Variants in CA10 observed in about 807,000 individuals in gnomAD.
CA10 encodes carbonic anhydrase-related protein 10.
CA10 carries 14 observed loss-of-function variants against 44.2 expected under a neutral mutation model. That is an observed-to-expected ratio of 0.32 (90% CI 0.21 to 0.50). The LOEUF is 0.50. Ranked by LOEUF, CA10 falls within the 20% of genes least tolerant of loss-of-function variation. The pLI is 0.99. For missense variants in CA10, 350 were observed against 409.7 expected, an observed-to-expected ratio of 0.85 and a Z score of 1.26; for synonymous variants, 159 against 141.6, an observed-to-expected ratio of 1.12 and a Z score of -0.87.
At chr17:52,115,346 C>G (rs1179301224) in intron 1 of CA10, among the ~76,000 whole-genome samples, 2 of 152,214 alleles carry the variant, frequency 1.3e-5, no homozygotes, top group African/African-American at 2.4e-5. Flanking sequence ...AATCCTGCAT[C>G]ATTTTGGTGG....
At chr17:52,016,317 AC>A (rs1183540374) in intron 2 of CA10, among the ~76,000 whole-genome samples, 1 of 152,086 alleles carries the variant, frequency 6.6e-6, no homozygotes, top group Admixed American at 6.6e-5. Flanking sequence ...AGAGAGATTA[AC>A]TTTTTAAGGA....
chr17:51,640,183 A>G (rs1913023156), intron 6 of CA10, among the ~76,000 whole-genome samples: 1 of 152,172 alleles, frequency 6.6e-6, no homozygotes, highest in South Asian at 2.1e-4. Flanking sequence ...AGTCCACCAC[A>G]TACTGGGTGT....
chr17:51,675,671 G>A (rs1372001756), intron 4 of CA10, among the ~76,000 whole-genome samples: 1 of 151,726 alleles, frequency 6.6e-6, no homozygotes, highest in Non-Finnish European at 1.5e-5. Flanking sequence ...AGCCTAGATT[G>A]CGCCACTGTA....
intron 2 of CA10, among the ~76,000 whole-genome samples, chr17:51,960,016 ACTATCCT>A (rs1567900628): frequency 6.6e-6 from 1 of 151,992 alleles, no homozygotes; most frequent in Non-Finnish European, 1.5e-5. Flanking sequence ...AGTTATTGTA[ACTATCCT>A]CTATGAAAAG....
chr17:52,111,537 C>T (rs1355906702), intron 1 of CA10, among the ~76,000 whole-genome samples: 4 of 152,070 alleles, frequency 2.6e-5, no homozygotes, highest in Non-Finnish European at 4.4e-5. Flanking sequence ...TCTCCATCAG[C>T]AAATGAACGA....
chr17:52,148,557 C>T (rs912028503), intron 1 of CA10, among the ~76,000 whole-genome samples: 1 of 152,206 alleles, frequency 6.6e-6, no homozygotes, highest in African/African-American at 2.4e-5. Flanking sequence ...ACTCAAAAAC[C>T]TACATGCAGT....
chr17:51,919,116 A>G (rs1358103455), intron 3 of CA10, among the ~76,000 whole-genome samples: 1 of 152,104 alleles, frequency 6.6e-6, no homozygotes, highest in African/African-American at 2.4e-5. Flanking sequence ...AAGTCCTTCA[A>G]AAAGAATCTA....
At chr17:51,721,688 T>C (rs1458967876) in intron 4 of CA10, among the ~76,000 whole-genome samples, 1 of 152,098 alleles carries the variant, frequency 6.6e-6, no homozygotes, top group Non-Finnish European at 1.5e-5. Flanking sequence ...CCTATCCATC[T>C]GGTGAGGGGT....
chr17:51,889,688 A>C (rs1052009427), intron 3 of CA10, among the ~76,000 whole-genome samples: 18 of 152,206 alleles, frequency 1.2e-4, no homozygotes, highest in African/African-American at 4.3e-4. Context: ...CATTATAATT[A>C]AACTTTCCTA....
chr17:52,144,584 G>T (rs751098731), intron 1 of CA10, among the ~76,000 whole-genome samples: 1 of 152,156 alleles, frequency 6.6e-6, no homozygotes, highest in Non-Finnish European at 1.5e-5. Flanking sequence ...GAAAAGACAT[G>T]ATTATCTCCC....
chr17:52,074,675 A>T (rs1377501256), intron 1 of CA10, among the ~76,000 whole-genome samples: 2 of 152,192 alleles, frequency 1.3e-5, no homozygotes, highest in Non-Finnish European at 2.9e-5. Flanking sequence ...GTGTTTACAC[A>T]TCACTTTAAA....
chr17:52,031,242 T>C (rs1986457878), intron 2 of CA10, among the ~76,000 whole-genome samples: 1 of 151,340 alleles, frequency 6.6e-6, no homozygotes, highest in Admixed American at 6.6e-5. Flanking sequence ...CTCCGCCTCC[T>C]GGGTTCAAGC....
At chr17:51,977,868 C>T (rs1035205168) in intron 2 of CA10, among the ~76,000 whole-genome samples, 10 of 151,980 alleles carry the variant, frequency 6.6e-5, no homozygotes, top group African/African-American at 1.9e-4. Context: ...GAAAAAAATT[C>T]GGATTCTATA....
rs1912555372 is a variant in CA10, at chr17:51,631,223, T to C, written c.*361A>G. The C allele has an allele frequency of 1.8e-5, 4 of 224,884 alleles. No individual in the cohort carries two copies. Among genetic ancestry groups the C allele is most frequent in the Middle Eastern group, 3.2e-3 (2 of 618 alleles). 13.9% of individuals were successfully genotyped at this position (224,884 alleles called of 1,614,324 possible). A position where few individuals can be genotyped will look rare whatever the true frequency, so the allele number is the denominator to read the frequency against. On this transcript the variant is annotated 3_prime_UTR_variant, in exon 9 of 9. Coordinates refer to ENST00000451037, the MANE Select transcript of CA10 (RefSeq NM_020178.5). ...TAGATTTATTAGTTCAGGAAAACGG[T>C]ATCAAAATTGAAATCAGGTTAACTG...
At chr17:51,873,280 A>G (rs1464434419) in intron 3 of CA10, among the ~76,000 whole-genome samples, 1 of 152,246 alleles carries the variant, frequency 6.6e-6, no homozygotes, top group East Asian at 1.9e-4. Flanking sequence ...ATAGACAACT[A>G]GGTTCAAATG....
intron 2 of CA10, among the ~76,000 whole-genome samples, chr17:52,009,165 A>G (rs985966984): frequency 3.9e-5 from 6 of 151,954 alleles, no homozygotes; most frequent in Non-Finnish European, 8.8e-5. Context: ...TATAGTGACA[A>G]CTGGAAATAA....
At chr17:52,123,371 G>GGTGTGT (rs34184028) in intron 1 of CA10, among the ~76,000 whole-genome samples, 18,970 of 146,168 alleles carry the variant, frequency 0.13, 1,434 homozygotes, top group East Asian at 0.4. Context: ...ATATATATGG[G>GGTGTGT]GTGTGTGTGT....
chr17:51,740,676 G>A (rs1267713629), intron 4 of CA10, among the ~76,000 whole-genome samples: 3 of 152,064 alleles, frequency 2.0e-5, no homozygotes, highest in Non-Finnish European at 4.4e-5. Flanking sequence ...TGACCTCTCC[G>A]ACCTCCTTCC....
intron 3 of CA10, among the ~76,000 whole-genome samples, chr17:51,798,372 A>T (rs914563684): frequency 6.6e-6 from 1 of 152,248 alleles, no homozygotes; most frequent in Non-Finnish European, 1.5e-5. Flanking sequence ...TCAGGCAAGA[A>T]ATTCTGTAAC....
Sources: gnomAD v4.1 joint callset for allele counts (sites outside exome capture counted in the v4.1 genomes callset) on GRCh38, gnomAD v4.1.1 for gene constraint, MANE v1.5 for transcripts, NCBI Gene and HGNC (gene_info 2026-07-23, HGNC 2026-07-21) for gene names.